The following FAT3 variants were observed in gnomAD, a reference collection of about 807,000 sequenced individuals.
FAT3 encodes FAT atypical cadherin 3.
A neutral mutation model predicts 310.2 loss-of-function variants in FAT3; 95 were observed. That is an observed-to-expected ratio of 0.31 (90% CI 0.26 to 0.36). The LOEUF (loss-of-function observed/expected upper bound fraction) is 0.36, where lower values mean the gene tolerates loss of function less well. Among genes scored for constraint, FAT3 ranks in the 10% least tolerant of loss-of-function variants. The pLI is 1.00. For missense variants in FAT3, 5,408 were observed against 5,715.6 expected (o/e 0.95, Z 1.74); for synonymous variants, 2,314 against 2,192.9 (o/e 1.06, Z -1.54).
intron 2 of FAT3, among the ~76,000 whole-genome samples, chr11:92,460,087 C>G (rs1951596404): frequency 6.6e-6 from 1 of 152,012 alleles, no homozygotes; most frequent in Non-Finnish European, 1.5e-5. Flanking sequence ...CTTTTTTCCT[C>G]CAATGATGCC....
chr11:92,633,134 C>T (rs577454006), intron 3 of FAT3, among the ~76,000 whole-genome samples: 4 of 152,224 alleles, frequency 2.6e-5, no homozygotes, highest in East Asian at 1.9e-4. Context: ...TGACTGTCAC[C>T]AACTCTGTTT....
intron 4 of FAT3, among the ~76,000 whole-genome samples, chr11:92,757,480 G>A (rs987702790): frequency 7.2e-5 from 11 of 152,132 alleles, no homozygotes; most frequent in Non-Finnish European, 5.9e-5. Flanking sequence ...ATTTATCTCA[G>A]CTAGTTTTGC....
chr11:92,850,808 A>G lies in FAT3; in HGVS notation c.11365+6076A>G, dbSNP rs559354584. 2.1e-4 allele frequency among the ~76,000 whole-genome samples: 32 copies of G among 152,318 alleles called. 1 individual carries two copies. Among genetic ancestry groups the G allele is most frequent in the Middle Eastern group, 6.8e-3 (2 of 294 alleles). On this transcript the variant is annotated intron_variant, in intron 19 of 27. Coordinates refer to ENST00000525166, the MANE Select transcript of FAT3 (RefSeq NM_001367949.2). ...AGGGGGCTGCGGGAATGCTGGGGAG[A>G]TAGGAGAGGAGAGTCATAAATATGG...
chr11:92,871,000 T>C (rs139637127), intron 22 of FAT3, among the ~76,000 whole-genome samples: 5 of 152,296 alleles, frequency 3.3e-5, no homozygotes, highest in African/African-American at 1.2e-4. Flanking sequence ...TAGTATCACA[T>C]AGCTAGTAAA....
intron 2 of FAT3, among the ~76,000 whole-genome samples, chr11:92,442,456 T>G (rs1951098095): frequency 6.6e-6 from 1 of 151,454 alleles, no homozygotes; most frequent in African/African-American, 2.4e-5. Context: ...TAAATAGTAA[T>G]AAAAATAATA....
At chr11:92,844,978 A>G (rs991692179) in intron 19 of FAT3, among the ~76,000 whole-genome samples, 7 of 152,234 alleles carry the variant, frequency 4.6e-5, no homozygotes, top group African/African-American at 1.7e-4. Context: ...CAAGAAACAT[A>G]CAAAGTCCTG....
At chr11:92,863,057 G>A (rs1283110492) in intron 21 of FAT3, among the ~76,000 whole-genome samples, 1 of 152,148 alleles carries the variant, frequency 6.6e-6, no homozygotes, top group Non-Finnish European at 1.5e-5. Context: ...AATACTTAAT[G>A]TATACCAAAT....
At chr11:92,861,248 CT>C (rs1949114412) in intron 21 of FAT3, among the ~76,000 whole-genome samples, 1 of 152,188 alleles carries the variant, frequency 6.6e-6, no homozygotes, top group Non-Finnish European at 1.5e-5. Context: ...CTCCTTCATG[CT>C]CTAACAGGGC....
At chr11:92,396,007 T>C (rs920577114) in intron 2 of FAT3, among the ~76,000 whole-genome samples, 1 of 152,176 alleles carries the variant, frequency 6.6e-6, no homozygotes, top group African/African-American at 2.4e-5. Context: ...GAGAAATTAG[T>C]GTTTTACCCT....
At chr11:92,519,604 A>C (rs1224933824) in intron 2 of FAT3, among the ~76,000 whole-genome samples, 1 of 152,102 alleles carries the variant, frequency 6.6e-6, no homozygotes, top group Admixed American at 6.6e-5. Flanking sequence ...CTGGGGGGGA[A>C]GTTAGCAAAT....
chr11:92,740,168 A>G (rs567333071), intron 4 of FAT3, among the ~76,000 whole-genome samples: 81 of 152,316 alleles, frequency 5.3e-4, no homozygotes, highest in African/African-American at 1.9e-3. Context: ...TGTAAAAACT[A>G]CTTGTATTCT....
At chr11:92,366,846 T>C in intron 2 of FAT3, 1 of 535,174 alleles carries the variant, frequency 1.9e-6, no homozygotes, top group Non-Finnish European at 3.8e-6. Context: ...TCCTTACTGA[T>C]GTTGCTGTAG....
intron 3 of FAT3, among the ~76,000 whole-genome samples, chr11:92,648,213 T>A (rs1942235691): frequency 6.6e-6 from 1 of 152,216 alleles, no homozygotes; most frequent in East Asian, 1.9e-4. Context: ...ATGAATTGCA[T>A]TGCCATGTTT....
At chr11:92,761,362 G>A (rs550788987) in intron 4 of FAT3, among the ~76,000 whole-genome samples, 1 of 152,230 alleles carries the variant, frequency 6.6e-6, no homozygotes, top group African/African-American at 2.4e-5. Flanking sequence ...CCACCTAAAG[G>A]CCCCACCTCC....
At chr11:92,356,897 A>G (rs887479887) in intron 2 of FAT3, among the ~76,000 whole-genome samples, 7 of 152,212 alleles carry the variant, frequency 4.6e-5, no homozygotes, top group African/African-American at 1.7e-4. Flanking sequence ...AGAAAGCTAC[A>G]TGTACCATCT....
intron 2 of FAT3, among the ~76,000 whole-genome samples, chr11:92,517,323 C>A (rs184675104): frequency 7.6e-4 from 115 of 152,154 alleles, no homozygotes; most frequent in African/African-American, 2.6e-3. Context: ...CCAGAAATAA[C>A]CACACATTTA....
intron 2 of FAT3, among the ~76,000 whole-genome samples, chr11:92,362,794 T>C (rs1251963241): frequency 6.6e-6 from 1 of 152,234 alleles, no homozygotes; most frequent in African/African-American, 2.4e-5. Context: ...TTTTAAGTTT[T>C]AAAATATTTT....
rs1313277278 is a variant in FAT3 at position 92,374,642 on chromosome 11, T to C, written c.3292+19238T>C. Among the ~76,000 whole-genome samples the C allele has an allele frequency of 2.6e-5, 4 of 152,202 alleles. No individual in the cohort carries two copies. The East Asian group carries it at 5.8e-4, about 22-fold the overall frequency. Reference sequence around the variant, plus strand: ...ATTATAAATGCAGATTTGTTAAGCATAGAAGTAGCCTGTTTAAAACTATTT... The same window carrying C: ...ATTATAAATGCAGATTTGTTAAGCACAGAAGTAGCCTGTTTAAAACTATTT... On this transcript the variant is annotated intron_variant, in intron 2 of 27. Transcript: ENST00000525166.
intron 1 of FAT3, among the ~76,000 whole-genome samples, chr11:92,239,715 A>G (rs1319058614): frequency 6.6e-6 from 1 of 152,140 alleles, no homozygotes; most frequent in Non-Finnish European, 1.5e-5. Context: ...TTGGAAATCT[A>G]CTGTTTTCTG....
Sources: gnomAD v4.1 joint callset for allele counts (sites outside exome capture counted in the v4.1 genomes callset) on GRCh38, gnomAD v4.1.1 for gene constraint, MANE v1.5 for transcripts, NCBI Gene and HGNC (gene_info 2026-07-23, HGNC 2026-07-21) for gene names.